FOXP1: variants seen among roughly 807,000 people sequenced by gnomAD.
FOXP1 encodes forkhead box P1.
In FOXP1, 15 loss-of-function variants were observed where a neutral mutation model predicts 98.2. The observed-to-expected ratio is 0.15, with a 90% CI of 0.10 to 0.24. The LOEUF (loss-of-function observed/expected upper bound fraction) is 0.24, where lower values mean the gene tolerates loss of function less well. Among genes scored for constraint, FOXP1 ranks in the 10% least tolerant of loss-of-function variants. The pLI, the probability that FOXP1 is intolerant of heterozygous loss-of-function variation, is 1.00. For synonymous variants in FOXP1, 371 were observed against 314.5 expected (o/e 1.18, Z -1.90); for missense variants, 633 against 848.5 (o/e 0.75, Z 3.15).
chr3:71,514,738 A>G (rs1428228140), intron 2 of FOXP1, among the ~76,000 whole-genome samples: 1 of 152,226 alleles, frequency 6.6e-6, no homozygotes, highest in Non-Finnish European at 1.5e-5. Flanking sequence ...CGTACACCAC[A>G]GTTCTGTGAC....
intron 3 of FOXP1, among the ~76,000 whole-genome samples, chr3:71,407,661 C>CGTGTGTGTGT (rs112188528): frequency 6.7e-6 from 1 of 149,922 alleles, no homozygotes; most frequent in African/African-American, 2.4e-5. Context: ...AAGAACTGTG[C>CGTGTGTGTGT]GTGTGTGTGT....
chr3:71,425,658 A>G lies in FOXP1; in HGVS notation c.-167-66414T>C, dbSNP rs557011182. On this transcript the variant is annotated intron_variant, in intron 3 of 20. Coordinates refer to ENST00000649528, the MANE Select transcript of FOXP1 (RefSeq NM_001349338.3). ...TTTGAACTCATGCCCTTACTCAACC[A>G]TAATAACTCAACTTTTGTTTATTTT... is the stretch of plus-strand genomic sequence containing the variant. Among the ~76,000 whole-genome samples, 5 of 152,222 alleles carry G rather than the reference A, an allele frequency of 3.3e-5. No individual in the cohort carries two copies. The South Asian group carries it at 1.0e-3, about 32-fold the overall frequency.
chr3:71,419,221 GGA>G (rs1560458835), intron 3 of FOXP1, among the ~76,000 whole-genome samples: 2 of 114,388 alleles, frequency 1.7e-5, no homozygotes, highest in Admixed American at 1.1e-4. Flanking sequence ...GGTGACAGAG[GGA>G]GACTCCATCT....
intron 4 of FOXP1, among the ~76,000 whole-genome samples, chr3:71,335,561 G>T (rs1166596270): frequency 6.6e-6 from 1 of 152,144 alleles, no homozygotes; most frequent in East Asian, 1.9e-4. Flanking sequence ...TCCTGATTAT[G>T]AAATGGAAAT....
chr3:70,991,596 G>A (rs561991506), intron 13 of FOXP1, among the ~76,000 whole-genome samples: 2 of 152,282 alleles, frequency 1.3e-5, no homozygotes, highest in East Asian at 1.9e-4. Flanking sequence ...GTTCTCACTC[G>A]TGAGAAACAA....
chr3:71,061,446 CAT>C (rs1298986784), intron 7 of FOXP1, among the ~76,000 whole-genome samples: 2 of 152,092 alleles, frequency 1.3e-5, no homozygotes, highest in Admixed American at 6.5e-5. Context: ...TCTACTCAAG[CAT>C]ATATATAAAT....
intron 6 of FOXP1, among the ~76,000 whole-genome samples, chr3:71,129,318 A>C (rs1160873716): frequency 6.6e-6 from 1 of 152,202 alleles, no homozygotes; most frequent in Non-Finnish European, 1.5e-5. Context: ...CTGAACATTC[A>C]AAAAAGCCAC....
At chr3:71,247,481 C>T (rs958230150) in intron 5 of FOXP1, among the ~76,000 whole-genome samples, 1 of 152,178 alleles carries the variant, frequency 6.6e-6, no homozygotes, top group African/African-American at 2.4e-5. Context: ...GGGGAAAGAC[C>T]GGGGTATCAT....
rs571138011 is a variant in FOXP1, at chr3:71,365,878, G to A, written c.-167-6634C>T. 4.6e-5 allele frequency among the ~76,000 whole-genome samples: 7 copies of A among 152,304 alleles called. No homozygotes were observed. The South Asian group carries it at 1.4e-3, about 32-fold the overall frequency. On this transcript the variant is annotated intron_variant, in intron 3 of 20. Transcript: ENST00000649528. ...TGTGCCTCTAGTCCCAGCTACTAGG[G>A]AGGCTGAGGCAGGAGAATTGCTTGA...
chr3:71,412,735 C>G (rs183260830), intron 3 of FOXP1, among the ~76,000 whole-genome samples: 1 of 152,256 alleles, frequency 6.6e-6, no homozygotes, highest in African/African-American at 2.4e-5. Context: ...CTTGTGAACT[C>G]CACCACTGAC....
chr3:71,323,575 A>G (rs768068462), intron 4 of FOXP1, among the ~76,000 whole-genome samples: 1 of 152,170 alleles, frequency 6.6e-6, no homozygotes, highest in Non-Finnish European at 1.5e-5. Flanking sequence ...TGGGAGGGGA[A>G]GAGTGTGTAA....
intron 7 of FOXP1, among the ~76,000 whole-genome samples, chr3:71,101,899 G>T (rs1018460616): frequency 6.6e-6 from 1 of 152,172 alleles, no homozygotes; most frequent in Non-Finnish European, 1.5e-5. Context: ...GGGACATAAT[G>T]TAAAAGGACA....
At chr3:71,305,916 G>A (rs1265971614) in intron 4 of FOXP1, 1 of 152,590 alleles carries the variant, frequency 6.6e-6, no homozygotes, top group Non-Finnish European at 1.5e-5. Flanking sequence ...GGGCGGGAGA[G>A]GCAATTTTCA....
At chr3:71,472,151 G>A (rs36092658) in intron 3 of FOXP1, among the ~76,000 whole-genome samples, 24 of 152,074 alleles carry the variant, frequency 1.6e-4, no homozygotes, top group Admixed American at 4.6e-4. Context: ...GGAGTTATAA[G>A]TAAGGAATTC....
At chr3:71,373,938 T>G (rs901010411) in intron 3 of FOXP1, among the ~76,000 whole-genome samples, 2 of 152,212 alleles carry the variant, frequency 1.3e-5, no homozygotes, top group Non-Finnish European at 2.9e-5. Context: ...TGTTTCTATA[T>G]ACTGCAGGAG....
chr3:71,093,728 C>A (rs1226688399), intron 7 of FOXP1, among the ~76,000 whole-genome samples: 2 of 151,796 alleles, frequency 1.3e-5, no homozygotes, highest in Non-Finnish European at 2.9e-5. Flanking sequence ...AGCCTCTGGT[C>A]TGTTCTCACA....
intron 5 of FOXP1, among the ~76,000 whole-genome samples, chr3:71,239,535 C>A (rs2067075562): frequency 6.6e-6 from 1 of 152,118 alleles, no homozygotes; most frequent in Non-Finnish European, 1.5e-5. Flanking sequence ...CAGAGCAAGA[C>A]TCCTTCTCAA....
intron 4 of FOXP1, among the ~76,000 whole-genome samples, chr3:71,358,937 A>G (rs371953975): frequency 3.3e-5 from 5 of 152,160 alleles, no homozygotes; most frequent in African/African-American, 1.2e-4. Flanking sequence ...CCTTCCCACA[A>G]ATATGATCCC....
intron 4 of FOXP1, among the ~76,000 whole-genome samples, chr3:71,335,549 A>C (rs1019433654): frequency 1.3e-5 from 2 of 152,322 alleles, no homozygotes; most frequent in East Asian, 3.9e-4. Context: ...AAAGCCCTGT[A>C]ATCCTGATTA....
Sources: gnomAD v4.1 joint callset for allele counts (sites outside exome capture counted in the v4.1 genomes callset) on GRCh38, gnomAD v4.1.1 for gene constraint, MANE v1.5 for transcripts, NCBI Gene and HGNC (gene_info 2026-07-23, HGNC 2026-07-21) for gene names.